The following SCHIP1 variants were observed in gnomAD, a reference collection of about 807,000 sequenced individuals.
The protein encoded by SCHIP1 is schwannomin interacting protein 1, also known as schwannomin-interacting protein 1.
SCHIP1 carries 8 observed loss-of-function variants against 29.7 expected under a neutral mutation model. That is an observed-to-expected ratio of 0.27 (90% CI 0.16 to 0.49). The LOEUF (loss-of-function observed/expected upper bound fraction) is 0.49, where lower values mean the gene tolerates loss of function less well. SCHIP1 is among the 20% of genes least tolerant of loss of function. SCHIP1 has a pLI of 0.99. For missense variants in SCHIP1, 193 were observed against 294.6 expected, an observed-to-expected ratio of 0.66 and a Z score of 2.52; for synonymous variants, 76 against 94.9, an observed-to-expected ratio of 0.80 and a Z score of 1.16.
At chr3:159,308,973 A>G in the SCHIP1 span, among the ~76,000 whole-genome samples, 2 of 152,078 alleles carry the variant, frequency 1.3e-5, no homozygotes, top group African/African-American at 2.4e-5. Context: ...TTGAACACAC[A>G]TAGACATAAA....
the SCHIP1 span, among the ~76,000 whole-genome samples, chr3:159,782,626 A>G: frequency 1.3e-5 from 2 of 152,320 alleles, no homozygotes; most frequent in African/African-American, 4.8e-5. Flanking sequence ...GCTTACTTGT[A>G]ATTATCAAAT....
chr3:159,392,666 T>C, the SCHIP1 span, among the ~76,000 whole-genome samples: 6 of 152,196 alleles, frequency 3.9e-5, no homozygotes, highest in Non-Finnish European at 7.4e-5. Flanking sequence ...GGCTGCATAG[T>C]ATTCCATGGT....
At chr3:159,894,916 AT>A (rs1717907532) in intron 6 of SCHIP1, among the ~76,000 whole-genome samples, 1 of 152,202 alleles carries the variant, frequency 6.6e-6, no homozygotes, top group Non-Finnish European at 1.5e-5. Flanking sequence ...GTTGTGTGCC[AT>A]CTGCTCTTCT....
the SCHIP1 span, among the ~76,000 whole-genome samples, chr3:159,576,740 T>C: frequency 6.6e-6 from 1 of 152,166 alleles, no homozygotes; most frequent in Non-Finnish European, 1.5e-5. Flanking sequence ...TATGCCCACC[T>C]CCTGCATGCA....
At chr3:159,656,718 G>A in the SCHIP1 span, among the ~76,000 whole-genome samples, 1 of 152,182 alleles carries the variant, frequency 6.6e-6, no homozygotes, top group East Asian at 1.9e-4. Flanking sequence ...ACATAGTTCT[G>A]TAAATGTTGG....
At chr3:159,849,245 C>T (rs1260331846) in intron 1 of SCHIP1, among the ~76,000 whole-genome samples, 1 of 151,884 alleles carries the variant, frequency 6.6e-6, no homozygotes, top group Non-Finnish European at 1.5e-5. Flanking sequence ...ATTACTAGTA[C>T]ACATATATTA....
At chr3:159,598,345 A>G in the SCHIP1 span, among the ~76,000 whole-genome samples, 39 of 152,236 alleles carry the variant, frequency 2.6e-4, no homozygotes, top group African/African-American at 8.7e-4. Context: ...CCACCTATGA[A>G]CCTGTAATAT....
At chr3:159,863,382 G>A (rs932191806) in intron 1 of SCHIP1, among the ~76,000 whole-genome samples, 5 of 151,376 alleles carry the variant, frequency 3.3e-5, no homozygotes, top group African/African-American at 1.2e-4. Flanking sequence ...TTTTTAATTT[G>A]ACACAACTCA....
the SCHIP1 span, among the ~76,000 whole-genome samples, chr3:159,450,130 A>G: frequency 3.3e-5 from 5 of 152,170 alleles, no homozygotes; most frequent in African/African-American, 9.7e-5. Flanking sequence ...GAATTGGTCT[A>G]CTTAATTTAG....
chr3:159,534,092 A>G, the SCHIP1 span, among the ~76,000 whole-genome samples: 660 of 152,238 alleles, frequency 4.3e-3, 9 homozygotes, highest in Admixed American at 0.021. Context: ...AACAATCTAA[A>G]ATATTGTTTT....
chr3:159,732,712 A>G, the SCHIP1 span, among the ~76,000 whole-genome samples: 1 of 152,176 alleles, frequency 6.6e-6, no homozygotes, highest in Non-Finnish European at 1.5e-5. Flanking sequence ...GGGACAAATT[A>G]TAGATAAGAC....
the SCHIP1 span, among the ~76,000 whole-genome samples, chr3:159,783,688 GT>G: frequency 6.6e-6 from 1 of 152,298 alleles, no homozygotes; most frequent in South Asian, 2.1e-4. Context: ...GGAAGAAGCT[GT>G]TTAAATCCAG....
At chr3:159,794,106 TG>T in the SCHIP1 span, among the ~76,000 whole-genome samples, 1 of 152,206 alleles carries the variant, frequency 6.6e-6, no homozygotes, top group Non-Finnish European at 1.5e-5. Context: ...TCACAGGTTC[TG>T]GGGATCAGAA....
chr3:159,358,471 G>A, the SCHIP1 span, among the ~76,000 whole-genome samples: 4 of 152,154 alleles, frequency 2.6e-5, no homozygotes, highest in Non-Finnish European at 5.9e-5. Context: ...TAACACCATG[G>A]CCTCACCTGT....
the SCHIP1 span, among the ~76,000 whole-genome samples, chr3:159,438,799 G>C: frequency 2.0e-5 from 3 of 152,194 alleles, no homozygotes; most frequent in East Asian, 5.8e-4. Flanking sequence ...CTCCATCCAT[G>C]TCCCTACAAA....
At chr3:159,785,562 G>A in the SCHIP1 span, among the ~76,000 whole-genome samples, 1 of 149,386 alleles carries the variant, frequency 6.7e-6, no homozygotes, top group South Asian at 2.1e-4. Context: ...CATCCTCTCA[G>A]GGCCATAGTT....
At chr3:159,575,625 C>T in the SCHIP1 span, among the ~76,000 whole-genome samples, 1 of 152,020 alleles carries the variant, frequency 6.6e-6, no homozygotes, top group African/African-American at 2.4e-5. Flanking sequence ...TTTGTACAGA[C>T]AGGGTCTTGC....
At chr3:159,846,845 A>G (rs2109065675) in intron 1 of SCHIP1, among the ~76,000 whole-genome samples, 1 of 151,572 alleles carries the variant, frequency 6.6e-6, no homozygotes, top group East Asian at 1.9e-4. Flanking sequence ...CTTTGAAATC[A>G]ATAAAAAAAT....
At chr3:159,829,381 C>G in the SCHIP1 span, among the ~76,000 whole-genome samples, 1 of 151,984 alleles carries the variant, frequency 6.6e-6, no homozygotes, top group Non-Finnish European at 1.5e-5. Flanking sequence ...CATCTCATCC[C>G]CAAGCCCCCC....
Sources: gnomAD v4.1 joint callset for allele counts (sites outside exome capture counted in the v4.1 genomes callset) on GRCh38, gnomAD v4.1.1 for gene constraint, MANE v1.5 for transcripts, NCBI Gene and HGNC (gene_info 2026-07-23, HGNC 2026-07-21) for gene names.